The following RARA variants were observed in gnomAD, a reference collection of about 807,000 sequenced individuals.
The protein encoded by RARA is PML-DDX5-RARA fusion.
Under a neutral mutation model 42.8 loss-of-function variants are expected in RARA, and 5 were observed. The ratio of observed to expected loss-of-function variants is 0.12; its 90% CI spans 0.06 to 0.25. The LOEUF (loss-of-function observed/expected upper bound fraction) is 0.25. Among genes scored for constraint, RARA ranks in the 10% least tolerant of loss-of-function variants. The probability of loss-of-function intolerance (pLI) is 1.00; values close to 1 mark genes in which losing one functional copy is unlikely to be tolerated. For synonymous variants in RARA, 256 were observed against 259.5 expected, an observed-to-expected ratio of 0.99 and a Z score of 0.13; for missense variants, 402 against 628.7, an observed-to-expected ratio of 0.64 and a Z score of 3.86.
rs2033352435 is a variant in RARA, at chr17:40,320,809, G to A, written c.-362-10048G>A. Among the ~76,000 whole-genome samples the A allele has an allele frequency of 6.6e-6, 1 of 152,166 alleles. No individual in the cohort carries two copies. The highest frequency in any genetic ancestry group is 2.4e-5 in the African/African-American group (1 of 41,424). On this transcript the variant is annotated intron_variant, in intron 1 of 8. Transcript: ENST00000254066. The surrounding 1 kb of genome is among the most constrained non-coding windows in gnomAD (Gnocchi z 4.1). ...CTGGGATCTGGGGTGATAGGCATCT[G>A]GGGATGGTAATCCTGTCCCTGCGAC...
At chr17:40,343,704 T>C (rs576818566) in intron 2 of RARA, among the ~76,000 whole-genome samples, 2 of 152,266 alleles carry the variant, frequency 1.3e-5, no homozygotes, top group South Asian at 4.1e-4. Context: ...AGTCCTTTTG[T>C]TACCCTGACT....
In RARA at chr17:40,331,406, G is replaced by A. The variant is rs918785275; in HGVS notation, c.178+10G>A. ...ACACCATCCCCAGCCAGTAAGTCTG[G>A]GTGTGGGGGCTGGGGTGGGAAGGGA... On this transcript the variant is annotated intron_variant, in intron 2 of 8. Transcript: ENST00000254066. 1 of 1,611,096 alleles carries A rather than the reference G, an allele frequency of 6.2e-7. No homozygotes were observed. Among genetic ancestry groups the A allele is most frequent in the Non-Finnish European group, 8.5e-7 (1 of 1,178,444 alleles).
rs2033092256 is a variant in RARA, at chr17:40,311,341, AG to A, written c.-363+2057del. Among the ~76,000 whole-genome samples the A allele has an allele frequency of 2.0e-5, 3 of 152,024 alleles. No homozygotes were observed. The South Asian group carries it at 6.2e-4, about 32-fold the overall frequency. ...CTTGGCCCCAAGGAAGGGGTGCCAG[AG>A]GAAGCTCAGGAATGAACAGGCTGGG... On this transcript the variant is annotated intron_variant, in intron 1 of 8. Transcript: ENST00000254066.
In RARA at chr17:40,331,189, C is replaced by G. The variant is rs748177728; in HGVS notation, c.-30C>G. ...CCACCAGAGCCCCCTGCCAGACTGTCTGCCTCCCTTCTGACTGTGGCCGCT... is the reference window on the plus strand; with the variant it reads ...CCACCAGAGCCCCCTGCCAGACTGTGTGCCTCCCTTCTGACTGTGGCCGCT... On this transcript the variant is annotated 5_prime_UTR_variant, in exon 2 of 9. Transcript: ENST00000254066. The G allele has an allele frequency of 3.8e-6, 6 of 1,585,398 alleles. No individual in the cohort carries two copies. In the Admixed American group the frequency reaches 1.0e-4, roughly 27 times the overall value.
At chr17:40,325,111 C>T (rs960661722) in intron 1 of RARA, among the ~76,000 whole-genome samples, 2 of 151,872 alleles carry the variant, frequency 1.3e-5, no homozygotes, top group Non-Finnish European at 2.9e-5. Flanking sequence ...ATTAGCTGGG[C>T]GTGGTGGCAG....
At position 40,356,955 on chromosome 17, in the gene RARA, T is replaced by C. The variant is rs1701412698; in HGVS notation, c.*729T>C. ...TCCTCAGCCTTTTCCTCCTCAGTTT[T>C]CTCTTTAAAACTGTGAAGTACTAAC... On this transcript the variant is annotated 3_prime_UTR_variant, in exon 9 of 9. Transcript: ENST00000254066. 1 of 389,950 alleles carries C rather than the reference T, an allele frequency of 2.6e-6. No homozygotes were observed. Among genetic ancestry groups the C allele is most frequent in the Non-Finnish European group, 4.8e-6 (1 of 209,108 alleles). The allele number at this position is 389,950 out of a possible 1,614,324, so 24.2% of individuals were successfully genotyped here. A position where few individuals can be genotyped will look rare whatever the true frequency, so the allele number is the denominator to read the frequency against.
At chr17:40,344,244 G>T (rs1294452914) in intron 2 of RARA, among the ~76,000 whole-genome samples, 1 of 152,090 alleles carries the variant, frequency 6.6e-6, no homozygotes, top group Middle Eastern at 3.4e-3. Context: ...TTTTCCTATT[G>T]TCCTGCCCCC....
chr17:40,331,106 A>C lies in RARA; in HGVS notation c.-113A>C. The C allele has an allele frequency of 2.4e-6, 3 of 1,270,810 alleles. No homozygotes were observed. The highest frequency in any genetic ancestry group is 3.2e-6 in the Non-Finnish European group (3 of 928,620). The allele number at this position is 1,270,810 out of a possible 1,614,324, so 78.7% of individuals were successfully genotyped here. A position where few individuals can be genotyped will look rare whatever the true frequency, so the allele number is the denominator to read the frequency against. On this transcript the variant is annotated 5_prime_UTR_variant, in exon 2 of 9. Coordinates refer to ENST00000254066, the MANE Select transcript of RARA (RefSeq NM_000964.4). ...GCTCCAGGACAGGGCGGGTGGGCTG[A>C]CCACCCAAACCCCATCTGGGCCCAG...
chr17:40,314,425 G>A (rs1271466424), intron 1 of RARA, among the ~76,000 whole-genome samples: 3 of 152,094 alleles, frequency 2.0e-5, no homozygotes, highest in African/African-American at 7.2e-5. Context: ...GAGACTCACA[G>A]CCTGGGTACA....
At position 40,320,037 on chromosome 17, in the gene RARA, G is replaced by A. The variant is rs2033331633; in HGVS notation, c.-363+10751G>A. Among the ~76,000 whole-genome samples, 4 of 152,084 alleles carry A rather than the reference G, an allele frequency of 2.6e-5. No homozygotes were observed. In the South Asian group the frequency reaches 8.3e-4, roughly 32 times the overall value. On this transcript the variant is annotated intron_variant, in intron 1 of 8. Coordinates refer to ENST00000254066, the MANE Select transcript of RARA (RefSeq NM_000964.4). This position sits in a 1 kb window ranked among gnomAD's most constrained non-coding sequence, Gnocchi z 4.1. ...GTGTCCTGAAAGAGAGGTCAGGAGGGTCAGACTGGAGTAGCCTCTTGGGAG... is the reference window on the plus strand; with the variant it reads ...GTGTCCTGAAAGAGAGGTCAGGAGGATCAGACTGGAGTAGCCTCTTGGGAG...
chr17:40,313,744 T>C (rs986443013), intron 1 of RARA, among the ~76,000 whole-genome samples: 3 of 152,132 alleles, frequency 2.0e-5, no homozygotes, highest in Admixed American at 6.5e-5. Flanking sequence ...AAGCAAGTCA[T>C]GGTGCACCAC....
At chr17:40,310,106 C>G (rs956285670) in intron 1 of RARA, among the ~76,000 whole-genome samples, 2 of 152,178 alleles carry the variant, frequency 1.3e-5, no homozygotes, top group Non-Finnish European at 2.9e-5. Flanking sequence ...GGTCACCCAG[C>G]CTTGCCAGCT....
At chr17:40,353,139 C>T (rs1253650359) in intron 6 of RARA, among the ~76,000 whole-genome samples, 3 of 152,058 alleles carry the variant, frequency 2.0e-5, no homozygotes, top group African/African-American at 7.2e-5. Context: ...GAGGTGACAT[C>T]TAGGGGTTTG....
rs2034098716 is a variant in RARA, at chr17:40,342,520, G to A, written c.179-5796G>A. On this transcript the variant is annotated intron_variant, in intron 2 of 8. Coordinates refer to ENST00000254066, the MANE Select transcript of RARA (RefSeq NM_000964.4). Reference sequence around the variant, plus strand: ...TTCCCTGCTTTTCACCGGGACTGGCGGAGCGGCCGGCGGACTTAGACGCGG... The same window carrying A: ...TTCCCTGCTTTTCACCGGGACTGGCAGAGCGGCCGGCGGACTTAGACGCGG... 6.1e-6 allele frequency: 8 copies of A among 1,317,356 alleles called. No homozygotes were observed. In the East Asian group the frequency reaches 2.2e-4, roughly 36 times the overall value. 81.6% of individuals were successfully genotyped at this position (1,317,356 alleles called of 1,614,324 possible). A position where few individuals can be genotyped will look rare whatever the true frequency, so the allele number is the denominator to read the frequency against.
rs528790716 is a variant in RARA, at chr17:40,312,308, G to T, written c.-363+3022G>T. 1.2e-3 allele frequency among the ~76,000 whole-genome samples: 184 copies of T among 152,330 alleles called. 3 individuals are homozygous for T. In the Middle Eastern group the frequency reaches 0.014, roughly 11 times the overall value. ...TGTGATTGCAGGCACTTATGGGCAGGCCTCCCCCTAGGAAAGGGGTGTGGG... is the reference window on the plus strand; with the variant it reads ...TGTGATTGCAGGCACTTATGGGCAGTCCTCCCCCTAGGAAAGGGGTGTGGG... On this transcript the variant is annotated intron_variant, in intron 1 of 8. Transcript: ENST00000254066.
At chr17:40,346,760 G>T (rs2034280274) in intron 2 of RARA, among the ~76,000 whole-genome samples, 1 of 151,878 alleles carries the variant, frequency 6.6e-6, no homozygotes, top group Non-Finnish European at 1.5e-5. Context: ...AAGAGCAGAC[G>T]GCGGTGGGGA....
chr17:40,350,241 C>G, intron 4 of RARA: 1 of 326,364 alleles, frequency 3.1e-6, no homozygotes, highest in East Asian at 7.2e-5. Context: ...TCTTCCAGGC[C>G]GTGCTTGGTT....
chr17:40,341,962 C>T (rs370986775), intron 2 of RARA: 419 of 1,135,598 alleles, frequency 3.7e-4, no homozygotes, highest in Non-Finnish European at 4.5e-4. Flanking sequence ...TGCTTCTCTC[C>T]TCTCCTCCCC....
rs1203740838 is a variant in RARA, at chr17:40,354,104, A to G, written c.808-198A>G. 6.6e-6 allele frequency among the ~76,000 whole-genome samples: 1 copy of G among 152,264 alleles called. No individual in the cohort carries two copies. On this transcript the variant is annotated intron_variant, in intron 6 of 8. Transcript: ENST00000254066. The surrounding 1 kb of genome is among the most constrained non-coding windows in gnomAD (Gnocchi z 4.5). ...ATTAGCCACATTTCAAGTACTCAGT[A>G]GACGCATGTGGCTGGTGGCTGAGGT...
Sources: gnomAD v4.1 joint callset for allele counts (sites outside exome capture counted in the v4.1 genomes callset) on GRCh38, gnomAD v4.1.1 for gene constraint, Gnocchi (gnomAD v3.1) non-coding constraint, MANE v1.5 for transcripts, NCBI Gene and HGNC (gene_info 2026-07-23, HGNC 2026-07-21) for gene names.